Variants in RAVER2 observed in about 807,000 individuals in gnomAD.
The protein encoded by RAVER2 is ribonucleoprotein, PTB binding 2.
In RAVER2, 46 loss-of-function variants were observed where a neutral mutation model predicts 78.1. The observed-to-expected ratio is 0.59, with a 90% CI of 0.46 to 0.75. The LOEUF (loss-of-function observed/expected upper bound fraction) is 0.75. Among genes scored for constraint, RAVER2 ranks in the 30% least tolerant of loss-of-function variants. RAVER2 has a pLI of 0.00. For missense variants in RAVER2, 793 were observed against 837.5 expected (o/e 0.95, Z 0.66); for synonymous variants, 311 against 313.3 (o/e 0.99, Z 0.08).
chr1:64,753,498 C>T (rs191696380), intron 1 of RAVER2, among the ~76,000 whole-genome samples: 1 of 149,450 alleles, frequency 6.7e-6, no homozygotes, highest in East Asian at 2.0e-4. Flanking sequence ...GATCCAACGT[C>T]TACCCTCTGG....
chr1:64,820,566 C>T (rs1653860326), intron 11 of RAVER2, among the ~76,000 whole-genome samples: 1 of 152,140 alleles, frequency 6.6e-6, no homozygotes, highest in Admixed American at 6.5e-5. Flanking sequence ...CTCCTCCCAC[C>T]CTCCACCCTC....
At chr1:64,798,022 A>G (rs1438726939) in intron 5 of RAVER2, among the ~76,000 whole-genome samples, 2 of 145,628 alleles carry the variant, frequency 1.4e-5, no homozygotes, top group Non-Finnish European at 3.0e-5. Context: ...TGCTGCAGCC[A>G]CTAACTCGTC....
intron 1 of RAVER2, among the ~76,000 whole-genome samples, chr1:64,755,546 G>T (rs1651828331): frequency 1.3e-5 from 2 of 151,688 alleles, no homozygotes; most frequent in African/African-American, 4.8e-5. Flanking sequence ...CACCCTATCT[G>T]CTCTACCCTT....
chr1:64,779,915 A>T (rs997014065), intron 3 of RAVER2, among the ~76,000 whole-genome samples: 1 of 151,906 alleles, frequency 6.6e-6, no homozygotes, highest in African/African-American at 2.4e-5. Flanking sequence ...AATTAACTAC[A>T]TCACAAGTCA....
chr1:64,782,337 G>C (rs1295700741), intron 4 of RAVER2, among the ~76,000 whole-genome samples: 1 of 152,194 alleles, frequency 6.6e-6, no homozygotes, highest in Non-Finnish European at 1.5e-5. Context: ...AGGATCCTTG[G>C]AGATGGAGAC....
At chr1:64,827,544 T>C (rs544441115) in intron 11 of RAVER2, among the ~76,000 whole-genome samples, 2 of 152,358 alleles carry the variant, frequency 1.3e-5, no homozygotes, top group East Asian at 3.9e-4. Context: ...CTAAAATGAC[T>C]ATTGTGTTTG....
intron 4 of RAVER2, among the ~76,000 whole-genome samples, chr1:64,783,099 A>C (rs1003185358): frequency 3.3e-5 from 5 of 152,144 alleles, no homozygotes; most frequent in Non-Finnish European, 7.3e-5. Flanking sequence ...CATGGTGTAT[A>C]TGTGCCACAT....
At chr1:64,828,166 A>AC (rs1456683739) in intron 11 of RAVER2, among the ~76,000 whole-genome samples, 1 of 28,312 alleles carries the variant, frequency 3.5e-5, no homozygotes, top group East Asian at 1.6e-3. Flanking sequence ...CACCCCCCCC[A>AC]CCCCCCGCCC....
chr1:64,814,064 C>T (rs1570579162), intron 10 of RAVER2, among the ~76,000 whole-genome samples: 1 of 152,038 alleles, frequency 6.6e-6, no homozygotes, highest in Admixed American at 6.5e-5. Flanking sequence ...GGTGGGACTA[C>T]AGGCATGTGC....
chr1:64,772,335 T>G (rs80015784), intron 2 of RAVER2, among the ~76,000 whole-genome samples: 4 of 152,240 alleles, frequency 2.6e-5, no homozygotes, highest in Non-Finnish European at 5.9e-5. Context: ...GTTGAGCAAA[T>G]GCAGATACCT....
chr1:64,807,500 A>T (rs1285092228), intron 9 of RAVER2, 26 bp downstream of exon 9: 3 of 1,607,456 alleles, frequency 1.9e-6, no homozygotes, highest in South Asian at 2.2e-5. Flanking sequence ...GTGCACACAG[A>T]TGTATATATA....
chr1:64,778,204 A>G (rs1402314334), intron 3 of RAVER2, 112 bp downstream of exon 3: 3 of 839,046 alleles, frequency 3.6e-6, no homozygotes, highest in Non-Finnish European at 5.3e-6. Context: ...TGGAAATTTA[A>G]TTCTGCATCA....
chr1:64,778,990 ATATT>A (rs1209035820), intron 3 of RAVER2, among the ~76,000 whole-genome samples: 5 of 145,364 alleles, frequency 3.4e-5, no homozygotes, highest in Non-Finnish European at 7.4e-5. Context: ...TATTAAATAT[ATATT>A]AAAATATATA....
chr1:64,798,856 A>G (rs1231701899), intron 5 of RAVER2, among the ~76,000 whole-genome samples: 2 of 152,214 alleles, frequency 1.3e-5, no homozygotes, highest in African/African-American at 2.4e-5. Context: ...GGTCCAATAC[A>G]TGTATATAAT....
intron 2 of RAVER2, 95 bp from the exon 3 acceptor site, chr1:64,777,528 A>C: frequency 1.0e-6 from 1 of 992,968 alleles, no homozygotes; most frequent in Non-Finnish European, 1.5e-6. Flanking sequence ...AAAAAGGTGT[A>C]TGTTTATGTG....
chr1:64,811,315 A>G (rs997374351), intron 9 of RAVER2, among the ~76,000 whole-genome samples: 2 of 152,200 alleles, frequency 1.3e-5, no homozygotes, highest in Non-Finnish European at 2.9e-5. Context: ...TGAGCCATTC[A>G]TCTCTCCAGT....
At chr1:64,769,293 A>T (rs1031201927) in intron 2 of RAVER2, among the ~76,000 whole-genome samples, 1 of 152,012 alleles carries the variant, frequency 6.6e-6, no homozygotes, top group Non-Finnish European at 1.5e-5. Flanking sequence ...CCTCATGTAG[A>T]TCTGTTGAAT....
chr1:64,828,578 A>G (rs1654051089), intron 11 of RAVER2, among the ~76,000 whole-genome samples: 1 of 152,022 alleles, frequency 6.6e-6, no homozygotes. Context: ...ACTAGAAGTT[A>G]GATATCTTTG....
chr1:64,772,546 C>G (rs569483590), intron 2 of RAVER2, among the ~76,000 whole-genome samples: 1 of 151,818 alleles, frequency 6.6e-6, no homozygotes, highest in South Asian at 2.1e-4. Flanking sequence ...TGCAATAATC[C>G]GAGCAATGTT....
Sources: gnomAD v4.1 joint callset for allele counts (sites outside exome capture counted in the v4.1 genomes callset) on GRCh38, gnomAD v4.1.1 for gene constraint, MANE v1.5 for transcripts, NCBI Gene and HGNC (gene_info 2026-07-23, HGNC 2026-07-21) for gene names.